Variants in TMC1 observed in about 807,000 individuals in gnomAD.
TMC1 encodes the protein transmembrane channel-like protein 1.
Under a neutral mutation model 105.8 loss-of-function variants are expected in TMC1, and 84 were observed. The observed-to-expected ratio is 0.79, with a 90% CI of 0.67 to 0.95. The LOEUF (loss-of-function observed/expected upper bound fraction) is 0.95, where lower values mean the gene tolerates loss of function less well. TMC1 is among the 40% of genes least tolerant of loss of function. TMC1 has a pLI of 0.00. For missense variants in TMC1, 817 were observed against 914.1 expected, an observed-to-expected ratio of 0.89 and a Z score of 1.37; for synonymous variants, 315 against 311.5, an observed-to-expected ratio of 1.01 and a Z score of -0.12.
At chr9:72,719,194 A>C (rs999570308) in intron 8 of TMC1, among the ~76,000 whole-genome samples, 1 of 152,116 alleles carries the variant, frequency 6.6e-6, no homozygotes, top group Non-Finnish European at 1.5e-5. Flanking sequence ...TCCTCCCCCA[A>C]GTTCTGGCCA....
At position 72,681,967 on chromosome 9, in the gene TMC1, G is replaced by A. The variant is rs535347718; in HGVS notation, c.17-6742G>A. Among the ~76,000 whole-genome samples, 204 of 152,182 alleles carry A rather than the reference G, an allele frequency of 1.3e-3. 1 individual carries two copies. Among genetic ancestry groups the A allele is most frequent in the African/African-American group, 4.7e-3 (195 of 41,536 alleles). On this transcript the variant is annotated intron_variant, in intron 5 of 23. Transcript: ENST00000297784. ...ACTTCTGAGGGCCTAAAGAGTCTCA[G>A]AAAATGAGTGTAATCTAGAAGGGAA...
intron 20 of TMC1, among the ~76,000 whole-genome samples, chr9:72,826,202 T>G (rs1335800008): frequency 2.6e-5 from 4 of 152,212 alleles, no homozygotes; most frequent in African/African-American, 9.7e-5. Context: ...CAATTCTAGC[T>G]ATTCCTTAGT....
chr9:72,730,273 C>T (rs901095751), intron 8 of TMC1, among the ~76,000 whole-genome samples: 1 of 151,860 alleles, frequency 6.6e-6, no homozygotes, highest in Non-Finnish European at 1.5e-5. Context: ...CTACGGCCTG[C>T]CCTGGGGAAG....
chr9:72,546,137 G>T (rs1823764669), intron 1 of TMC1, among the ~76,000 whole-genome samples: 1 of 150,190 alleles, frequency 6.7e-6, no homozygotes, highest in South Asian at 2.1e-4. Flanking sequence ...AAAAAAAAAT[G>T]AAAAAATTAG....
Position 72,742,459 on chromosome 9 carries a change from C to G in TMC1, c.469C>G (p.Leu157Val). The G allele has an allele frequency of 2.5e-6, 4 of 1,614,078 alleles. No individual in the cohort carries two copies. The highest frequency in any genetic ancestry group is 3.4e-6 in the Non-Finnish European group (4 of 1,179,974). ...TTCTTTTCAGAAATGGGCAAAATTC[C>G]TCCGTGATTTTGAGAACTTCAAAGC... ...MMMAKKWAKF[L>V]RDFENFKAAC... The change falls in exon 10 of 24, where the codon CTC (leucine) becomes GTC (valine). Residue 157 changes from leucine to valine, a missense_variant. Transcript: ENST00000297784.
At chr9:72,723,279 A>G (rs1373926411) in intron 8 of TMC1, among the ~76,000 whole-genome samples, 3 of 152,060 alleles carry the variant, frequency 2.0e-5, no homozygotes, top group Non-Finnish European at 4.4e-5. Flanking sequence ...ATAGAGTTTC[A>G]GTTTTTCTTT....
rs576679343 is a variant in TMC1 at position 72,580,715 on chromosome 9, C to T, written c.-306+2692C>T. On this transcript the variant is annotated intron_variant, in intron 2 of 23. Transcript: ENST00000297784. ...TCTGCTCCAAGCTTGAATTCCCAGA[C>T]GAAAAACAAACAAGCAAACAAACAA... Among the ~76,000 whole-genome samples, 4 of 152,182 alleles carry T rather than the reference C, an allele frequency of 2.6e-5. No homozygotes were observed. The South Asian group carries it at 8.3e-4, about 32-fold the overall frequency.
intron 17 of TMC1, among the ~76,000 whole-genome samples, chr9:72,803,632 C>T (rs1828517854): frequency 6.6e-6 from 1 of 152,138 alleles, no homozygotes; most frequent in African/African-American, 2.4e-5. Context: ...TATGAAAAAA[C>T]ACTCAACATC....
chr9:72,738,463 G>A (rs1289220239), intron 8 of TMC1, among the ~76,000 whole-genome samples: 1 of 151,826 alleles, frequency 6.6e-6, no homozygotes, highest in African/African-American at 2.4e-5. Context: ...GTTGCCCCAG[G>A]CTAGAATGCA....
At chr9:72,661,138 C>T (rs371387933) in intron 5 of TMC1, among the ~76,000 whole-genome samples, 4 of 152,032 alleles carry the variant, frequency 2.6e-5, no homozygotes, top group African/African-American at 9.7e-5. Flanking sequence ...GGTGACAGAG[C>T]GAGACTCATC....
intron 2 of TMC1, among the ~76,000 whole-genome samples, chr9:72,612,694 G>C (rs1166674440): frequency 6.6e-6 from 1 of 152,184 alleles, no homozygotes; most frequent in Non-Finnish European, 1.5e-5. Flanking sequence ...AAAGACCCAT[G>C]ATCTAGGACA....
chr9:72,521,938 T>C (rs996100829), intron 1 of TMC1, 25 bp downstream of exon 1: 5 of 152,144 alleles, frequency 3.3e-5, no homozygotes, highest in African/African-American at 1.2e-4. Flanking sequence ...CATTATTACC[T>C]ATGTGTGGTG....
intron 11 of TMC1, among the ~76,000 whole-genome samples, chr9:72,752,911 AC>A (rs951989528): frequency 2.0e-5 from 3 of 152,200 alleles, no homozygotes; most frequent in Admixed American, 1.3e-4. Context: ...AGTACAAAGC[AC>A]TTTCACTTCT....
intron 1 of TMC1, among the ~76,000 whole-genome samples, chr9:72,537,425 A>C (rs1252058000): frequency 2.0e-5 from 3 of 152,080 alleles, no homozygotes; most frequent in Non-Finnish European, 2.9e-5. Context: ...AAATCTTCCA[A>C]ATTTTTATGC....
chr9:72,618,495 A>C (rs1393150219), intron 3 of TMC1, among the ~76,000 whole-genome samples: 2 of 152,240 alleles, frequency 1.3e-5, no homozygotes, highest in Non-Finnish European at 2.9e-5. Flanking sequence ...AATTATTTCA[A>C]GTGACTTTAA....
At chr9:72,718,184 T>A (rs1700315601) in intron 8 of TMC1, among the ~76,000 whole-genome samples, 1 of 152,218 alleles carries the variant, frequency 6.6e-6, no homozygotes, top group Non-Finnish European at 1.5e-5. Context: ...TACTCGACCT[T>A]CTGAATTTTT....
intron 20 of TMC1, among the ~76,000 whole-genome samples, chr9:72,825,356 T>C (rs1277930852): frequency 6.6e-6 from 1 of 152,200 alleles, no homozygotes. Flanking sequence ...ATTCTGAGAA[T>C]ATTGTATGAT....
At chr9:72,531,986 C>T (rs1271334742) in intron 1 of TMC1, among the ~76,000 whole-genome samples, 1 of 151,962 alleles carries the variant, frequency 6.6e-6, no homozygotes, top group Non-Finnish European at 1.5e-5. Flanking sequence ...GGCTGGAGTG[C>T]AGTGGTGTGA....
At chr9:72,701,182 CAGAGA>C (rs1433015897) in intron 8 of TMC1, among the ~76,000 whole-genome samples, 2 of 152,126 alleles carry the variant, frequency 1.3e-5, no homozygotes, top group Non-Finnish European at 2.9e-5. Flanking sequence ...CATTAAAGCA[CAGAGA>C]AGATGCTAGG....
Sources: allele counts gnomAD v4.1 joint callset (sites outside exome capture counted in the v4.1 genomes callset), GRCh38; gene constraint gnomAD v4.1.1; transcripts MANE v1.5; gene names NCBI Gene and HGNC (gene_info 2026-07-23, HGNC 2026-07-21).